Variants in GSE1 observed in about 807,000 individuals in gnomAD.
GSE1 encodes genetic suppressor element 1.
Under a neutral mutation model 112.6 loss-of-function variants are expected in GSE1, and 32 were observed. The ratio of observed to expected loss-of-function variants is 0.28; its 90% CI spans 0.21 to 0.38. The LOEUF (loss-of-function observed/expected upper bound fraction) is 0.38, where lower values mean the gene tolerates loss of function less well. Among genes scored for constraint, GSE1 ranks in the 10% least tolerant of loss-of-function variants. GSE1 has a pLI of 1.00. For synonymous variants in GSE1, 1,115 were observed against 735.6 expected (o/e 1.52, Z -8.35); for missense variants, 2,348 against 1,699.2 (o/e 1.38, Z -6.71).
chr16:85,171,357 C>A (rs2074356236), exon 1 of GSE1: 2 of 985,588 alleles, frequency 2.0e-6, no homozygotes, highest in Middle Eastern at 5.2e-4. Flanking sequence ...TCAACGTGAA[C>A]CCCGCCAGCC....
chr16:85,469,913 C>T (rs550871077), intron 2 of GSE1, among the ~76,000 whole-genome samples: 80 of 152,238 alleles, frequency 5.3e-4, no homozygotes, highest in Non-Finnish European at 1.0e-3. Flanking sequence ...CGTCAGAGTC[C>T]CCGACCAGGC....
chr16:85,281,115 G>C (rs139477826), intron 1 of GSE1, among the ~76,000 whole-genome samples: 1 of 152,154 alleles, frequency 6.6e-6, no homozygotes, highest in Non-Finnish European at 1.5e-5. Context: ...ATGAACCCAC[G>C]ATGCAAACGG....
chr16:85,540,920 C>CTT (rs2044496361), intron 2 of GSE1, among the ~76,000 whole-genome samples: 1 of 152,068 alleles, frequency 6.6e-6, no homozygotes, highest in Non-Finnish European at 1.5e-5. Flanking sequence ...AAAAAGAAGC[C>CTT]TTGGGTACAT....
At chr16:85,267,034 G>A (rs1444508599) in intron 1 of GSE1, among the ~76,000 whole-genome samples, 2 of 152,192 alleles carry the variant, frequency 1.3e-5, no homozygotes, top group Non-Finnish European at 2.9e-5. Flanking sequence ...CTTCCTGCCC[G>A]GGAGGCTGGG....
chr16:85,641,462 G>A (rs1045922421), intron 2 of GSE1, among the ~76,000 whole-genome samples: 10 of 149,612 alleles, frequency 6.7e-5, no homozygotes, highest in Admixed American at 1.4e-4. Flanking sequence ...GTGGAGCCTC[G>A]TTGGTGGACG....
intron 1 of GSE1, among the ~76,000 whole-genome samples, chr16:85,231,528 G>A (rs1292263743): frequency 1.3e-5 from 2 of 152,182 alleles, no homozygotes; most frequent in Non-Finnish European, 2.9e-5. Flanking sequence ...GGCTGAATGA[G>A]CAGATGGTTA....
chr16:85,531,613 C>T (rs376477124), intron 2 of GSE1, among the ~76,000 whole-genome samples: 2 of 152,342 alleles, frequency 1.3e-5, no homozygotes, highest in South Asian at 4.1e-4. Flanking sequence ...TGCCTGCCCC[C>T]CTTCCGCCCT....
intron 1 of GSE1, among the ~76,000 whole-genome samples, chr16:85,333,920 C>T (rs982957967): frequency 3.9e-5 from 6 of 152,198 alleles, no homozygotes; most frequent in Admixed American, 3.9e-4. Flanking sequence ...TGGGGATGTC[C>T]CGTGCATGGC....
At chr16:85,366,785 C>A (rs1013024283) in intron 2 of GSE1, among the ~76,000 whole-genome samples, 4 of 152,222 alleles carry the variant, frequency 2.6e-5, no homozygotes, top group African/African-American at 9.6e-5. Context: ...AAACAATACA[C>A]CAAGCATTGA....
chr16:85,611,102 G>C (rs1410260893), upstream of GSE1, among the ~76,000 whole-genome samples: 1 of 152,220 alleles, frequency 6.6e-6, no homozygotes, highest in Non-Finnish European at 1.5e-5. Context: ...GTGGGGCCTA[G>C]GTGTCTACCC....
At chr16:85,358,460 A>T (rs2046998325) in intron 2 of GSE1, among the ~76,000 whole-genome samples, 1 of 152,008 alleles carries the variant, frequency 6.6e-6, no homozygotes. Flanking sequence ...AGCACGGGAG[A>T]CTTGAGACCC....
chr16:85,557,042 G>A (rs1420418896), intron 1 of GSE1, among the ~76,000 whole-genome samples: 2 of 152,062 alleles, frequency 1.3e-5, no homozygotes, highest in Non-Finnish European at 2.9e-5. Flanking sequence ...GGGAGGGGAG[G>A]GGGTTGACAG....
chr16:85,487,681 GA>G (rs1361850437), intron 2 of GSE1, among the ~76,000 whole-genome samples: 1 of 149,458 alleles, frequency 6.7e-6, no homozygotes, highest in African/African-American at 2.4e-5. Context: ...GGCGACCCCA[GA>G]ATAGAAGCAG....
At chr16:85,274,295 G>A (rs1909143697) in intron 1 of GSE1, among the ~76,000 whole-genome samples, 2 of 152,080 alleles carry the variant, frequency 1.3e-5, no homozygotes, top group South Asian at 2.1e-4. Flanking sequence ...TGAGGCAGGA[G>A]AATCGCTTGA....
chr16:85,403,096 G>GC (rs1022055756), intron 2 of GSE1, among the ~76,000 whole-genome samples: 18 of 151,760 alleles, frequency 1.2e-4, no homozygotes, highest in Admixed American at 3.3e-4. Flanking sequence ...GTTGCTGGGG[G>GC]GGGACTCAGT....
At chr16:85,286,374 C>T (rs2045025244) in intron 1 of GSE1, among the ~76,000 whole-genome samples, 1 of 152,190 alleles carries the variant, frequency 6.6e-6, no homozygotes, top group Non-Finnish European at 1.5e-5. Context: ...AAGGGGGTGT[C>T]TGTGTCTTTG....
chr16:85,648,134 C>CT (rs1243355144), intron 2 of GSE1, among the ~76,000 whole-genome samples: 1 of 151,960 alleles, frequency 6.6e-6, no homozygotes, highest in Non-Finnish European at 1.5e-5. Flanking sequence ...ATGACACCTC[C>CT]TAGAAACACG....
chr16:85,401,089 A>G (rs1006057958), intron 2 of GSE1, among the ~76,000 whole-genome samples: 7 of 152,058 alleles, frequency 4.6e-5, no homozygotes, highest in Non-Finnish European at 8.8e-5. Context: ...ATCAGCGGAT[A>G]TGGTGCTGGG....
chr16:85,293,996 A>G (rs974989642), intron 1 of GSE1, among the ~76,000 whole-genome samples: 3 of 152,158 alleles, frequency 2.0e-5, no homozygotes, highest in South Asian at 2.1e-4. Flanking sequence ...ATGCCTCCCC[A>G]TGCTTCGAGG....
Sources: allele counts gnomAD v4.1 joint callset (sites outside exome capture counted in the v4.1 genomes callset), GRCh38; gene constraint gnomAD v4.1.1; transcripts MANE v1.5; gene names NCBI Gene and HGNC (gene_info 2026-07-23, HGNC 2026-07-21).